GMDS: variants seen among roughly 807,000 people sequenced by gnomAD.
GMDS encodes the protein GDP-mannose 4,6-dehydratase, also known as GDP-mannose 4,6 dehydratase.
GMDS carries 20 observed loss-of-function variants against 49.9 expected under a neutral mutation model. That is an observed-to-expected ratio of 0.40 (90% CI 0.28 to 0.58). The LOEUF is 0.58. GMDS is among the 20% of genes least tolerant of loss of function. The probability of loss-of-function intolerance (pLI) is 0.42; values close to 1 mark genes in which losing one functional copy is unlikely to be tolerated. For missense variants in GMDS, 362 were observed against 481.4 expected (o/e 0.75, Z 2.32); for synonymous variants, 177 against 178.6 (o/e 0.99, Z 0.07).
chr6:2,190,555 G>A (rs976591921), intron 1 of GMDS, among the ~76,000 whole-genome samples: 6 of 152,322 alleles, frequency 3.9e-5, no homozygotes, highest in African/African-American at 1.4e-4. Context: ...CTCTCGGACA[G>A]GACCCCAAGA....
chr6:1,850,055 T>C (rs1227996219), intron 7 of GMDS, among the ~76,000 whole-genome samples: 1 of 152,192 alleles, frequency 6.6e-6, no homozygotes, highest in Non-Finnish European at 1.5e-5. Context: ...ACGTAAAATA[T>C]CAGAGACACC....
At chr6:2,213,121 T>C (rs1780149883) in intron 1 of GMDS, among the ~76,000 whole-genome samples, 1 of 152,158 alleles carries the variant, frequency 6.6e-6, no homozygotes, top group South Asian at 2.1e-4. Flanking sequence ...CTGATCTCTG[T>C]CCACAGTATT....
chr6:2,242,026 T>C (rs1781637854), intron 1 of GMDS, among the ~76,000 whole-genome samples: 2 of 152,186 alleles, frequency 1.3e-5, no homozygotes, highest in South Asian at 2.1e-4. Context: ...GAGATTTCTA[T>C]CTTAAAGTAG....
chr6:1,634,982 C>T (rs534382567), intron 9 of GMDS, among the ~76,000 whole-genome samples: 1 of 152,262 alleles, frequency 6.6e-6, no homozygotes, highest in Non-Finnish European at 1.5e-5. Flanking sequence ...TTATTGCTTT[C>T]AAAGACATTC....
intron 3 of GMDS, among the ~76,000 whole-genome samples, chr6:2,116,655 C>A (rs1185879723): frequency 6.6e-6 from 1 of 152,194 alleles, no homozygotes; most frequent in Non-Finnish European, 1.5e-5. Context: ...ATACAAGTAG[C>A]CCAAACCTTC....
chr6:2,003,581 C>T (rs923564195), intron 4 of GMDS, among the ~76,000 whole-genome samples: 3 of 152,166 alleles, frequency 2.0e-5, no homozygotes, highest in Admixed American at 6.6e-5. Flanking sequence ...TAGAGTAAGA[C>T]TTGCTACGAC....
intron 7 of GMDS, among the ~76,000 whole-genome samples, chr6:1,923,834 T>C (rs1281078724): frequency 1.3e-5 from 2 of 152,182 alleles, no homozygotes; most frequent in Non-Finnish European, 2.9e-5. Flanking sequence ...GGATACAAAA[T>C]GCTAGTAGAA....
chr6:1,640,287 T>C lies in GMDS; in HGVS notation c.988-15747A>G, dbSNP rs915351158. ...CTCTTCTTCACTGAAACTGTGCCCG[T>C]GGAGAAGCACATGGGATTTAGGGTC... On this transcript the variant is annotated intron_variant, in intron 9 of 10. Coordinates refer to ENST00000380815, the MANE Select transcript of GMDS (RefSeq NM_001500.4). This position sits in a 1 kb window ranked among gnomAD's most constrained non-coding sequence, Gnocchi z 4.0. 3.3e-5 allele frequency among the ~76,000 whole-genome samples: 5 copies of C among 152,258 alleles called. No individual in the cohort carries two copies. In the East Asian group the frequency reaches 9.7e-4, roughly 29 times the overall value.
At chr6:2,215,220 C>T (rs1780268141) in intron 1 of GMDS, among the ~76,000 whole-genome samples, 1 of 151,884 alleles carries the variant, frequency 6.6e-6, no homozygotes, top group Admixed American at 6.6e-5. Flanking sequence ...GAAAGAGACA[C>T]ATACAGAGAT....
chr6:2,032,852 C>T (rs1397737676), intron 4 of GMDS, among the ~76,000 whole-genome samples: 1 of 152,106 alleles, frequency 6.6e-6, no homozygotes, highest in African/African-American at 2.4e-5. Context: ...GTGATAGATA[C>T]AATACAGTTC....
chr6:2,235,162 C>T (rs747261543), intron 1 of GMDS, among the ~76,000 whole-genome samples: 1 of 152,080 alleles, frequency 6.6e-6, no homozygotes, highest in African/African-American at 2.4e-5. Flanking sequence ...AGTGATGATA[C>T]GTGTACACAA....
rs186852395 is a variant in GMDS, at chr6:2,215,994, T to C, written c.102+29327A>G. On this transcript the variant is annotated intron_variant, in intron 1 of 10. Transcript: ENST00000380815. ...AATTTGGAAGGGGATCACGGAAACA[T>C]AGAGCTACATATGAAATAAATTTGT... 9.2e-5 allele frequency among the ~76,000 whole-genome samples: 14 copies of C among 152,250 alleles called. No homozygotes were observed. In the South Asian group the frequency reaches 1.2e-3, roughly 14 times the overall value.
At chr6:2,239,051 G>A (rs1052107637) in intron 1 of GMDS, among the ~76,000 whole-genome samples, 4 of 151,986 alleles carry the variant, frequency 2.6e-5, no homozygotes, top group African/African-American at 9.7e-5. Flanking sequence ...TATCCTGGCC[G>A]GGCACGGTGG....
At chr6:1,997,627 AG>A (rs1221658506) in intron 4 of GMDS, among the ~76,000 whole-genome samples, 12 of 152,012 alleles carry the variant, frequency 7.9e-5, no homozygotes, top group African/African-American at 2.9e-4. Context: ...GGCTTCCTAA[AG>A]GGATCATGAT....
intron 9 of GMDS, among the ~76,000 whole-genome samples, chr6:1,698,570 G>T (rs1405557754): frequency 6.6e-6 from 1 of 150,724 alleles, no homozygotes; most frequent in Non-Finnish European, 1.5e-5. Context: ...AAGGAAATGA[G>T]ATGGCCGGGA....
Position 1,960,811 on chromosome 6 carries a change from C to G in GMDS, c.501G>C (p.Gln167His). The change falls in exon 5 of 11, where the codon CAG (glutamine) becomes CAC (histidine). Residue 167 changes from glutamine to histidine, a missense_variant. By Grantham distance (24) the Gln-to-His change is conservative (BLOSUM62 0). Transcript: ENST00000380815. ...GGGGATAGAAAGGGGTGGTCTCCTT[C>G]TGGGGTATTTCCTGCACTTTCCCAT... ...ELYGKVQEIPQKETTPFYPRS... is the reference protein window; with the variant it reads ...ELYGKVQEIPHKETTPFYPRS... 1 of 1,609,494 alleles carries G rather than the reference C, an allele frequency of 6.2e-7. No individual in the cohort carries two copies. The highest frequency in any genetic ancestry group is 8.5e-7 in the Non-Finnish European group (1 of 1,176,468).
At chr6:1,698,070 G>A (rs1765405050) in intron 9 of GMDS, among the ~76,000 whole-genome samples, 1 of 152,196 alleles carries the variant, frequency 6.6e-6, no homozygotes, top group African/African-American at 2.4e-5. Flanking sequence ...AAAGCAAAGA[G>A]TAGACAAAGA....
intron 2 of GMDS, among the ~76,000 whole-genome samples, chr6:2,119,442 G>C (rs1327454888): frequency 1.3e-5 from 2 of 152,090 alleles, no homozygotes; most frequent in East Asian, 3.9e-4. Context: ...TTTGGTATGT[G>C]TACACAGGGA....
At chr6:2,019,890 C>T (rs536679297) in intron 4 of GMDS, among the ~76,000 whole-genome samples, 1 of 152,168 alleles carries the variant, frequency 6.6e-6, no homozygotes, top group Non-Finnish European at 1.5e-5. Context: ...ATTACAGTAG[C>T]CAAATTTTGT....
Sources: allele counts gnomAD v4.1 joint callset (sites outside exome capture counted in the v4.1 genomes callset), GRCh38; gene constraint gnomAD v4.1.1; non-coding constraint Gnocchi (gnomAD v3.1); transcripts MANE v1.5; gene names NCBI Gene and HGNC (gene_info 2026-07-23, HGNC 2026-07-21).